The following MEGF6 variants were observed in gnomAD, a reference collection of about 807,000 sequenced individuals.
MEGF6 encodes the protein multiple EGF like domains 6.
Under a neutral mutation model 207.1 loss-of-function variants are expected in MEGF6, and 184 were observed. The ratio of observed to expected loss-of-function variants is 0.89; its 90% confidence interval spans 0.79 to 1.00. MEGF6 has a LOEUF of 1.00. MEGF6 is among the 50% of genes least tolerant of loss of function. MEGF6 has a pLI of 0.00. For missense variants in MEGF6, 2,282 were observed against 2,202.9 expected (o/e 1.04, Z -0.72); for synonymous variants, 1,038 against 910.0 (o/e 1.14, Z -2.53).
intron 3 of MEGF6, among the ~76,000 whole-genome samples, chr1:3,584,239 G>A (rs1643865333): frequency 1.3e-5 from 2 of 152,196 alleles, no homozygotes; most frequent in South Asian, 2.1e-4. Context: ...ACAAGCAAAC[G>A]CCTCTCCCAG....
At chr1:3,587,797 ATG>A (rs1457811571) in intron 3 of MEGF6, among the ~76,000 whole-genome samples, 5 of 151,056 alleles carry the variant, frequency 3.3e-5, no homozygotes, top group African/African-American at 9.7e-5. Context: ...TTTCCTGAGA[ATG>A]TGTTTGTCCT....
the MEGF6 span, among the ~76,000 whole-genome samples, chr1:3,620,717 A>G: frequency 6.6e-6 from 1 of 152,232 alleles, no homozygotes; most frequent in Non-Finnish European, 1.5e-5. Flanking sequence ...TCGTAGAAAT[A>G]AAGACACAAG....
At chr1:3,523,582 C>A (rs1641846786) in intron 5 of MEGF6, among the ~76,000 whole-genome samples, 1 of 152,186 alleles carries the variant, frequency 6.6e-6, no homozygotes, top group Admixed American at 6.5e-5. Context: ...CCTCCAGGCT[C>A]CCCAAGCTGG....
At chr1:3,518,822 C>T (rs1475019080) in intron 5 of MEGF6, among the ~76,000 whole-genome samples, 2 of 152,222 alleles carry the variant, frequency 1.3e-5, no homozygotes, top group African/African-American at 4.8e-5. Context: ...CTGTTGGGGA[C>T]AGGGCCAGGA....
Position 3,489,780 on chromosome 1 carries a change from C to A in MEGF6, c.*748G>T, listed in dbSNP as rs1449679256. The A allele has an allele frequency of 8.5e-5, 13 of 152,442 alleles. No homozygotes were observed. Among genetic ancestry groups the A allele is most frequent in the African/African-American group, 3.1e-4 (13 of 41,578 alleles). 9.4% of individuals were successfully genotyped at this position (152,442 alleles called of 1,614,324 possible). Reference sequence around the variant, plus strand: ...TGGGAACTGAGATGAGTCCCAACTTCTTCACTTGTGTGGCACCCCCACCCC... The same window carrying A: ...TGGGAACTGAGATGAGTCCCAACTTATTCACTTGTGTGGCACCCCCACCCC... On this transcript the variant is annotated 3_prime_UTR_variant, in exon 37 of 37. Transcript: ENST00000356575.
intron 3 of MEGF6, among the ~76,000 whole-genome samples, chr1:3,580,883 T>C (rs1163647010): frequency 1.3e-5 from 2 of 151,872 alleles, no homozygotes; most frequent in East Asian, 3.9e-4. Flanking sequence ...GCTCAGTGAG[T>C]TTGTGTGTCA....
intron 4 of MEGF6, among the ~76,000 whole-genome samples, chr1:3,546,664 G>A (rs28479691): frequency 0.11 from 15,220 of 142,816 alleles, 1,515 homozygotes; most frequent in African/African-American, 0.29. Flanking sequence ...GGGCTGCCAG[G>A]GAGGCCGAGG....
At chr1:3,568,998 T>TG (rs61428836) in intron 4 of MEGF6, among the ~76,000 whole-genome samples, 23,097 of 152,036 alleles carry the variant, frequency 0.15, 2,216 homozygotes, top group African/African-American at 0.25. Context: ...TCCAGGCGAG[T>TG]GGGCAGAGCC....
intron 4 of MEGF6, among the ~76,000 whole-genome samples, chr1:3,542,082 C>G (rs1642545551): frequency 6.6e-6 from 1 of 152,170 alleles, no homozygotes; most frequent in Admixed American, 6.5e-5. Context: ...CTGGCCGCCT[C>G]CCCCAACCCC....
chr1:3,531,484 C>G, intron 4 of MEGF6: 2 of 1,070,992 alleles, frequency 1.9e-6, no homozygotes, highest in Non-Finnish European at 2.3e-6. Context: ...AGGCCAAGTC[C>G]GCAGACAACC....
At chr1:3,526,408 T>TC (rs1325376792) in intron 4 of MEGF6, among the ~76,000 whole-genome samples, 1 of 150,846 alleles carries the variant, frequency 6.6e-6, no homozygotes, top group Non-Finnish European at 1.5e-5. Flanking sequence ...ATTTTTTTTT[T>TC]TTTTTTTTTG....
At chr1:3,533,391 A>G (rs993104215) in intron 4 of MEGF6, among the ~76,000 whole-genome samples, 7 of 152,254 alleles carry the variant, frequency 4.6e-5, no homozygotes, top group African/African-American at 7.2e-5. Context: ...TCGCACGGAT[A>G]GACAGGCTGA....
intron 4 of MEGF6, among the ~76,000 whole-genome samples, chr1:3,529,694 TCAGGGAGCC>T (rs1557753225): frequency 1.3e-5 from 2 of 152,122 alleles, no homozygotes; most frequent in Non-Finnish European, 2.9e-5. Context: ...TGGAGGAGCC[TCAGGGAGCC>T]CATGGGGCCC....
chr1:3,610,898 G>A (rs900835700), intron 1 of MEGF6, among the ~76,000 whole-genome samples: 1 of 141,968 alleles, frequency 7.0e-6, no homozygotes, highest in Non-Finnish European at 1.6e-5. Context: ...CCACATCACG[G>A]AGCAAAAGAA....
chr1:3,533,583 G>A (rs961115929), intron 4 of MEGF6, among the ~76,000 whole-genome samples: 3 of 152,214 alleles, frequency 2.0e-5, no homozygotes, highest in African/African-American at 7.2e-5. Context: ...AGGCTTGAGA[G>A]GGGTGCAGGG....
upstream of MEGF6, among the ~76,000 whole-genome samples, chr1:3,613,350 G>T (rs548815126): frequency 1.1e-4 from 17 of 152,200 alleles, no homozygotes; most frequent in African/African-American, 1.9e-4. Flanking sequence ...CCCTGTCCTC[G>T]GGTGGAGGTG....
At chr1:3,516,718 C>A (rs1306003242) in intron 5 of MEGF6, among the ~76,000 whole-genome samples, 1 of 152,190 alleles carries the variant, frequency 6.6e-6, no homozygotes, top group East Asian at 1.9e-4. Context: ...TGCCTCTGGG[C>A]CCTGAGAAGG....
intron 4 of MEGF6, among the ~76,000 whole-genome samples, chr1:3,542,479 CA>C (rs1427857594): frequency 6.6e-6 from 1 of 152,174 alleles, no homozygotes; most frequent in East Asian, 1.9e-4. Context: ...GGCCGCCCCC[CA>C]CTCAGCCTGA....
chr1:3,563,813 T>C (rs1472139888), intron 4 of MEGF6, among the ~76,000 whole-genome samples: 1 of 152,070 alleles, frequency 6.6e-6, no homozygotes, highest in Non-Finnish European at 1.5e-5. Flanking sequence ...CACAGACACC[T>C]GAGTGTGGGA....
Sources: allele counts gnomAD v4.1 joint callset (sites outside exome capture counted in the v4.1 genomes callset), GRCh38; gene constraint gnomAD v4.1.1; transcripts MANE v1.5; gene names NCBI Gene and HGNC (gene_info 2026-07-23, HGNC 2026-07-21).